Variants in PIEZO2 observed in about 807,000 individuals in gnomAD.
The protein encoded by PIEZO2 is piezo-type mechanosensitive ion channel component 2.
Under a neutral mutation model 337.3 loss-of-function variants are expected in PIEZO2, and 172 were observed. The ratio of observed to expected loss-of-function variants is 0.51; its 90% confidence interval spans 0.45 to 0.58. The LOEUF (loss-of-function observed/expected upper bound fraction) is 0.58. Ranked by LOEUF, PIEZO2 falls within the 20% of genes least tolerant of loss-of-function variation. The pLI is 0.00. For missense variants in PIEZO2, 3,028 were observed against 3,391.3 expected (o/e 0.89, Z 2.66); for synonymous variants, 1,251 against 1,228.5 (o/e 1.02, Z -0.38).
In PIEZO2 at chr18:10,795,136, A is replaced by G. The variant is rs2039533521; in HGVS notation, c.1528-134T>C. 1.3e-6 allele frequency: 1 copy of G among 761,644 alleles called. No homozygotes were observed. Among genetic ancestry groups the G allele is most frequent in the Non-Finnish European group, 2.1e-6 (1 of 483,764 alleles). 47.2% of individuals were successfully genotyped at this position (761,644 alleles called of 1,614,324 possible). A position where few individuals can be genotyped will look rare whatever the true frequency, so the allele number is the denominator to read the frequency against. On this transcript the variant is annotated intron_variant, in intron 12 of 55. Transcript: ENST00000674853. This position sits in a 1 kb window ranked among gnomAD's most constrained non-coding sequence, Gnocchi z 4.4. ...CAGGGAGAGTAGAGAGTTGTGGTGG[A>G]GTGATGGAGACCCCAAGCCGTGGAG...
chr18:11,046,556 G>A (rs192304044), intron 2 of PIEZO2, among the ~76,000 whole-genome samples: 2 of 152,360 alleles, frequency 1.3e-5, no homozygotes, highest in African/African-American at 2.4e-5. Context: ...GAGAGTGCAC[G>A]CGTCCACACA....
At chr18:10,786,229 T>C (rs1306957836) in intron 16 of PIEZO2, among the ~76,000 whole-genome samples, 1 of 152,248 alleles carries the variant, frequency 6.6e-6, no homozygotes, top group Non-Finnish European at 1.5e-5. Flanking sequence ...TCACAAAGTA[T>C]AATAGACTTA....
chr18:11,077,934 G>A lies in PIEZO2; in HGVS notation c.65-11712C>T, dbSNP rs1211896645. Among the ~76,000 whole-genome samples the A allele has an allele frequency of 6.6e-6, 1 of 151,706 alleles. No homozygotes were observed. The highest frequency in any genetic ancestry group is 1.5e-5 in the Non-Finnish European group (1 of 67,946). On this transcript the variant is annotated intron_variant, in intron 1 of 55. Coordinates refer to ENST00000674853, the MANE Select transcript of PIEZO2 (RefSeq NM_001378183.1). This position sits in a 1 kb window ranked among gnomAD's most constrained non-coding sequence, Gnocchi z 4.8. ...GTCCCCTGACATTCAAATGCCAAAT[G>A]CTCATCCCTAAGCAACTGGAAACAG...
chr18:10,810,418 A>T (rs1457998106), intron 7 of PIEZO2, among the ~76,000 whole-genome samples: 2 of 152,120 alleles, frequency 1.3e-5, no homozygotes, highest in African/African-American at 4.8e-5. Flanking sequence ...TGCCAAGGGC[A>T]GTCTCCCTAC....
chr18:11,076,643 T>G (rs9964839), intron 1 of PIEZO2, among the ~76,000 whole-genome samples: 31,919 of 152,080 alleles, frequency 0.21, 3,408 homozygotes, highest in Middle Eastern at 0.24. Context: ...ACATATACAC[T>G]TATCAGATCA....
At chr18:10,886,895 C>T (rs758311177) in intron 4 of PIEZO2, among the ~76,000 whole-genome samples, 1 of 151,934 alleles carries the variant, frequency 6.6e-6, no homozygotes, top group South Asian at 2.1e-4. Context: ...AATTGGCTCA[C>T]GGTTCTGAAG....
In PIEZO2 at chr18:10,791,276, CTG is replaced by C. The variant is rs1293499681; in HGVS notation, c.1805_1806del (p.Thr602ArgfsTer23). ...TFWLLLRQHL[T>X]EQKALQEKEA... ...TCCTTTTCTTGCAGAGCTTTTTGCT[CTG>C]TGAGGTGCTGCCTCAGCAGTAGCCA... On this transcript the variant is annotated frameshift_variant, in exon 14 of 56. Transcript: ENST00000674853. LOFTEE classifies it high-confidence loss of function. The C allele has an allele frequency of 6.5e-7, 1 of 1,535,322 alleles. No homozygotes were observed. Among genetic ancestry groups the C allele is most frequent in the African/African-American group, 1.4e-5 (1 of 73,056 alleles).
Position 10,943,556 on chromosome 18 carries a change from C to T in PIEZO2, c.287-32328G>A, listed in dbSNP as rs1244143150. On this transcript the variant is annotated intron_variant, in intron 3 of 55. Coordinates refer to ENST00000674853, the MANE Select transcript of PIEZO2 (RefSeq NM_001378183.1). The surrounding 1 kb of genome is among the most constrained non-coding windows in gnomAD (Gnocchi z 4.5). ...GCTTTATTTGCCCAATGCCTTTACC[C>T]CCATTGTATACAGGAAGTAACTAAC... Among the ~76,000 whole-genome samples the T allele has an allele frequency of 6.6e-6, 1 of 152,184 alleles. No homozygotes were observed. Among genetic ancestry groups the T allele is most frequent in the Non-Finnish European group, 1.5e-5 (1 of 68,022 alleles).
intron 36 of PIEZO2, chr18:10,725,251 G>T (rs1408242769): frequency 7.7e-6 from 12 of 1,561,892 alleles, no homozygotes; most frequent in Non-Finnish European, 1.1e-5. Context: ...GGCTGCCACC[G>T]GCAGGCAGCT....
rs1178148546 is a variant in PIEZO2, at chr18:10,696,185, T to TC, written c.7078dup (p.Asp2360GlyfsTer37). ...AGTCTTCCTGAGGTAGAGGGCTCGG[T>TC]CCACCACCATGGTTCCAAACTGAAT... On this transcript the variant is annotated frameshift_variant, in exon 47 of 56. Transcript: ENST00000674853. LOFTEE classifies it high-confidence loss of function. 1 of 1,614,006 alleles carries TC rather than the reference T, an allele frequency of 6.2e-7. No homozygotes were observed.
At chr18:10,949,112 T>C (rs1439409996) in intron 3 of PIEZO2, among the ~76,000 whole-genome samples, 1 of 152,220 alleles carries the variant, frequency 6.6e-6, no homozygotes, top group East Asian at 1.9e-4. Flanking sequence ...GTAGAAATTG[T>C]AGTTATATCT....
chr18:10,848,562 T>A (rs12455390), intron 7 of PIEZO2, among the ~76,000 whole-genome samples: 45,096 of 152,044 alleles, frequency 0.3, 7,181 homozygotes, highest in African/African-American at 0.43. Context: ...GAGAATGGGC[T>A]GAGAATCTTT....
rs1755472770 is a variant in PIEZO2 at position 10,821,997 on chromosome 18, T to C, written c.918-14723A>G. ...TAGATTTTCTAACAAGTTTCTTACC[T>C]TCTAAAATGTGTTTCTCAAGTTATG... On this transcript the variant is annotated intron_variant, in intron 7 of 55. Transcript: ENST00000674853. This position sits in a 1 kb window ranked among gnomAD's most constrained non-coding sequence, Gnocchi z 4.2. Among the ~76,000 whole-genome samples, 1 of 152,240 alleles carries C rather than the reference T, an allele frequency of 6.6e-6. No individual in the cohort carries two copies. Among genetic ancestry groups the C allele is most frequent in the Non-Finnish European group, 1.5e-5 (1 of 68,046 alleles).
At chr18:10,780,983 T>C (rs1355342610) in intron 17 of PIEZO2, among the ~76,000 whole-genome samples, 1 of 150,136 alleles carries the variant, frequency 6.7e-6, no homozygotes, top group African/African-American at 2.5e-5. Flanking sequence ...TTTTATGAAA[T>C]AAAATATAAT....
chr18:10,672,578 A>C lies in PIEZO2; in HGVS notation c.8345+112T>G. On this transcript the variant is annotated intron_variant, in intron 55 of 55. Coordinates refer to ENST00000674853, the MANE Select transcript of PIEZO2 (RefSeq NM_001378183.1). The surrounding 1 kb of genome is among the most constrained non-coding windows in gnomAD (Gnocchi z 4.7). Reference sequence around the variant, plus strand: ...CACACAAGGATGTGTGCATTTTAATACTGCAGCTCTAAAATTAGCGAATTC... The same window carrying C: ...CACACAAGGATGTGTGCATTTTAATCCTGCAGCTCTAAAATTAGCGAATTC... The C allele has an allele frequency of 2.9e-5, 32 of 1,115,732 alleles. No individual in the cohort carries two copies. Among genetic ancestry groups the C allele is most frequent in the Non-Finnish European group, 4.2e-5 (32 of 770,726 alleles). The allele number at this position is 1,115,732 out of a possible 1,614,324, so 69.1% of individuals were successfully genotyped here.
At chr18:10,910,009 T>G (rs1348906193) in intron 4 of PIEZO2, among the ~76,000 whole-genome samples, 1 of 152,228 alleles carries the variant, frequency 6.6e-6, no homozygotes, top group African/African-American at 2.4e-5. Flanking sequence ...GATGTGCTAT[T>G]CTTTATTGCT....
At position 10,682,388 on chromosome 18, in the gene PIEZO2, C is replaced by T; in HGVS notation, c.7498-96G>A. On this transcript the variant is annotated intron_variant, in intron 49 of 55. Transcript: ENST00000674853. The surrounding 1 kb of genome is among the most constrained non-coding windows in gnomAD (Gnocchi z 5.6). ...GAGAGCGAGTGCTCTTCCTGTGGTG[C>T]TGGGAACATGGATTTGGCCCTGAAT... 9.0e-7 allele frequency: 1 copy of T among 1,105,860 alleles called. No homozygotes were observed. The highest frequency in any genetic ancestry group is 1.3e-6 in the Non-Finnish European group (1 of 790,092). The allele number at this position is 1,105,860 out of a possible 1,614,324, so 68.5% of individuals were successfully genotyped here.
rs146202937 is a variant in PIEZO2 at position 10,922,761 on chromosome 18, G to T, written c.287-11533C>A. On this transcript the variant is annotated intron_variant, in intron 3 of 55. Transcript: ENST00000674853. ...TGTGAGTGCATGGAGAGGCAAGCTG[G>T]CTGACCGTATTTACATAAATGCAGT... is the stretch of plus-strand genomic sequence containing the variant. Among the ~76,000 whole-genome samples the T allele has an allele frequency of 3.0e-4, 46 of 152,194 alleles. No homozygotes were observed. In the East Asian group the frequency reaches 8.3e-3, roughly 27 times the overall value.
At position 10,731,527 on chromosome 18, in the gene PIEZO2, G is replaced by C. The variant is rs1250111107; in HGVS notation, c.4915-6C>G. 4 of 1,493,338 alleles carry C rather than the reference G, an allele frequency of 2.7e-6. No individual in the cohort carries two copies. Among genetic ancestry groups the C allele is most frequent in the Non-Finnish European group, 3.6e-6 (4 of 1,120,624 alleles). 92.5% of individuals were successfully genotyped at this position (1,493,338 alleles called of 1,614,324 possible). On this transcript the variant is annotated splice_region_variant and splice_polypyrimidine_tract_variant and intron_variant, in intron 35 of 55. Coordinates refer to ENST00000674853, the MANE Select transcript of PIEZO2 (RefSeq NM_001378183.1). ...ATCCAGGCTTGATAAACAAACTGAA[G>C]GGAGAAAGTTCAATTATTTTCTGGC...
Sources: gnomAD v4.1 joint callset for allele counts (sites outside exome capture counted in the v4.1 genomes callset) on GRCh38, gnomAD v4.1.1 for gene constraint, Gnocchi (gnomAD v3.1) non-coding constraint, MANE v1.5 for transcripts, NCBI Gene and HGNC (gene_info 2026-07-23, HGNC 2026-07-21) for gene names.